The following NSD1 variants were observed in gnomAD, a reference collection of about 807,000 sequenced individuals.
The protein encoded by NSD1 is histone-lysine N-methyltransferase, H3 lysine-36 specific.
NSD1 carries 26 observed loss-of-function variants against 242.7 expected under a neutral mutation model. The observed-to-expected ratio is 0.11, with a 90% CI of 0.08 to 0.15. The LOEUF (loss-of-function observed/expected upper bound fraction) is 0.15. Among genes scored for constraint, NSD1 ranks in the 10% least tolerant of loss-of-function variants. NSD1 has a pLI of 1.00. For missense variants in NSD1, 2,495 were observed against 3,272.8 expected (o/e 0.76, Z 5.80); for synonymous variants, 1,106 against 1,178.1 (o/e 0.94, Z 1.25).
chr5:177,225,953 A>G (rs1764596682), intron 5 of NSD1, among the ~76,000 whole-genome samples: 1 of 152,198 alleles, frequency 6.6e-6, no homozygotes. Flanking sequence ...ATTCAACAGT[A>G]TATATACGTT....
chr5:177,290,310 A>G (rs563007660), intron 21 of NSD1, among the ~76,000 whole-genome samples: 2 of 151,816 alleles, frequency 1.3e-5, no homozygotes, highest in African/African-American at 2.4e-5. Context: ...AGTGACTTCA[A>G]TTGAGTATGT....
At chr5:177,188,502 A>G (rs536294033) in intron 2 of NSD1, among the ~76,000 whole-genome samples, 9 of 146,270 alleles carry the variant, frequency 6.2e-5, no homozygotes, top group Non-Finnish European at 1.4e-4. Flanking sequence ...TACTCATTGT[A>G]CCATCAATTA....
chr5:177,170,225 G>A (rs1315959154), intron 2 of NSD1, among the ~76,000 whole-genome samples: 3 of 151,986 alleles, frequency 2.0e-5, no homozygotes, highest in South Asian at 2.1e-4. Context: ...GCCCGCCTCC[G>A]CCTCCCAAAG....
chr5:177,266,655 G>T, intron 14 of NSD1: 2 of 396,154 alleles, frequency 5.0e-6, no homozygotes, highest in South Asian at 7.2e-5. Flanking sequence ...AGGATTTTAA[G>T]AGGTGAAAGA....
At position 177,294,376 on chromosome 5, in the gene NSD1, G is replaced by A. The variant is rs2127280697; in HGVS notation, c.7008G>A (p.Val2336=). 1.9e-6 allele frequency: 3 copies of A among 1,614,204 alleles called. No homozygotes were observed. Among genetic ancestry groups the A allele is most frequent in the Non-Finnish European group, 2.5e-6 (3 of 1,180,040 alleles). Reference sequence around the variant, plus strand: ...AGCTAAGCGACAAACCCTCTCCAGTGACCAGCCCAAGCTCCTCACCCTCAG... The same window carrying A: ...AGCTAAGCGACAAACCCTCTCCAGTAACCAGCCCAAGCTCCTCACCCTCAG... ...RPQLSDKPSP[V]TSPSSSPSVR... is the part of the protein sequence containing the mutation. Residue 2336 remains valine (V), a synonymous_variant, in exon 23 of 23, where the codon GTG becomes GTA. Transcript: ENST00000439151.
At position 177,146,847 on chromosome 5, in the gene NSD1, TA is replaced by T. The variant is rs199831762; in HGVS notation, c.927+10827del. ...GGTGAAACCCCGTGTCTACTAAAAA[TA>T]AAAAAAAAATTAGCTGGATATGGTG... On this transcript the variant is annotated intron_variant, in intron 2 of 22. Coordinates refer to ENST00000439151, the MANE Select transcript of NSD1 (RefSeq NM_022455.5). 3.1e-4 allele frequency among the ~76,000 whole-genome samples: 46 copies of T among 148,148 alleles called. No homozygotes were observed. In the East Asian group the frequency reaches 6.7e-3, roughly 22 times the overall value.
Position 177,209,860 on chromosome 5 carries a change from A to G in NSD1, c.1461A>G (p.Ala487=), listed in dbSNP as rs999029819. ...KSLAFDSEHS[A]DEKEKPCAKS... The stretch of plus-strand genomic sequence containing the variant: ...TGGCTTTTGATTCTGAACATTCTGC[A>G]GATGAGAAGGAAAAGCCTTGCGCTA... Residue 487 remains alanine (A), a synonymous_variant, in exon 5 of 23, where the codon GCA becomes GCG. Coordinates refer to ENST00000439151, the MANE Select transcript of NSD1 (RefSeq NM_022455.5). 6.2e-7 allele frequency: 1 copy of G among 1,614,092 alleles called. No individual in the cohort carries two copies. Among genetic ancestry groups the G allele is most frequent in the African/African-American group, 1.3e-5 (1 of 74,940 alleles).
intron 2 of NSD1, among the ~76,000 whole-genome samples, chr5:177,161,065 AAAGCTGCTGCT>A (rs1478309392): frequency 3.9e-5 from 6 of 152,092 alleles, no homozygotes; most frequent in Admixed American, 3.9e-4. Context: ...TTATTCTCCC[AAAGCTGCTGCT>A]TTGGGAGAAT....
chr5:177,180,601 G>C (rs1465261906), intron 2 of NSD1, among the ~76,000 whole-genome samples: 3 of 151,928 alleles, frequency 2.0e-5, no homozygotes. Context: ...TACTGAGAGA[G>C]GTTTTTCCCA....
At chr5:177,166,532 G>C (rs570556342) in intron 2 of NSD1, among the ~76,000 whole-genome samples, 1 of 150,990 alleles carries the variant, frequency 6.6e-6, no homozygotes, top group African/African-American at 2.4e-5. Flanking sequence ...GTAATAGAGT[G>C]AGATGCTGTC....
intron 2 of NSD1, among the ~76,000 whole-genome samples, chr5:177,158,577 A>G (rs1251995729): frequency 6.6e-6 from 1 of 151,898 alleles, no homozygotes; most frequent in East Asian, 1.9e-4. Flanking sequence ...ACCTCAGGTG[A>G]TTCACCCACC....
chr5:177,256,653 G>A (rs1756492642), intron 12 of NSD1, among the ~76,000 whole-genome samples: 1 of 152,130 alleles, frequency 6.6e-6, no homozygotes, highest in East Asian at 1.9e-4. Context: ...CATATTTCCT[G>A]TAAACTTGTA....
At chr5:177,152,350 TA>T (rs1757792033) in intron 2 of NSD1, among the ~76,000 whole-genome samples, 1 of 151,552 alleles carries the variant, frequency 6.6e-6, no homozygotes, top group Non-Finnish European at 1.5e-5. Context: ...TGTATGTATG[TA>T]TGTATGTATG....
At chr5:177,221,298 TTTG>T (rs1374008191) in intron 5 of NSD1, among the ~76,000 whole-genome samples, 3 of 150,424 alleles carry the variant, frequency 2.0e-5, no homozygotes, top group Non-Finnish European at 2.9e-5. Context: ...TTCCTTGTTT[TTTG>T]TTTTTTTTTT....
chr5:177,221,021 C>T (rs776457899), intron 5 of NSD1: 12 of 455,156 alleles, frequency 2.6e-5, no homozygotes, highest in Admixed American at 4.7e-5. Context: ...CTTCCACCAC[C>T]CCCGGTTAAT....
chr5:177,252,669 A>C (rs1182438237), intron 12 of NSD1, among the ~76,000 whole-genome samples: 1 of 147,754 alleles, frequency 6.8e-6, no homozygotes, highest in Non-Finnish European at 1.5e-5. Context: ...CTCCCAACTC[A>C]GCTTCCCAAG....
chr5:177,218,570 T>TC (rs1206442785), intron 5 of NSD1, among the ~76,000 whole-genome samples: 9 of 151,866 alleles, frequency 5.9e-5, no homozygotes, highest in Non-Finnish European at 1.0e-4. Context: ...GATGTATATT[T>TC]CTTTTTTTTT....
At chr5:177,146,468 T>A (rs1405693566) in intron 2 of NSD1, among the ~76,000 whole-genome samples, 2 of 151,922 alleles carry the variant, frequency 1.3e-5, no homozygotes, top group African/African-American at 4.8e-5. Context: ...CCTCCCAAAG[T>A]GTTGGGATTA....
At chr5:177,144,958 G>T (rs1369524749) in intron 2 of NSD1, among the ~76,000 whole-genome samples, 2 of 151,818 alleles carry the variant, frequency 1.3e-5, no homozygotes, top group Non-Finnish European at 2.9e-5. Context: ...GGTGGCACGT[G>T]CCTGTAGTCC....
Sources: gnomAD v4.1 joint callset for allele counts (sites outside exome capture counted in the v4.1 genomes callset) on GRCh38, gnomAD v4.1.1 for gene constraint, MANE v1.5 for transcripts, NCBI Gene and HGNC (gene_info 2026-07-23, HGNC 2026-07-21) for gene names.